Variants in TXLNB observed in about 807,000 individuals in gnomAD.
TXLNB encodes taxilin beta.
TXLNB carries 37 observed loss-of-function variants against 57.4 expected under a neutral mutation model. That is an observed-to-expected ratio of 0.64 (90% CI 0.50 to 0.85). The LOEUF (loss-of-function observed/expected upper bound fraction) is 0.85. Among genes scored for constraint, TXLNB ranks in the 40% least tolerant of loss-of-function variants. The pLI is 0.00. For synonymous variants in TXLNB, 302 were observed against 309.6 expected, an observed-to-expected ratio of 0.98 and a Z score of 0.26; for missense variants, 848 against 825.6, an observed-to-expected ratio of 1.03 and a Z score of -0.33.
chr6:139,217,864 CAAA>C, the TXLNB span, among the ~76,000 whole-genome samples: 42 of 51,932 alleles, frequency 8.1e-4, no homozygotes, highest in African/African-American at 2.3e-3. Context: ...GCAAGAGTCT[CAAA>C]AAAAAAAAAA....
At chr6:139,174,286 T>A in the TXLNB span, 3 of 1,353,448 alleles carry the variant, frequency 2.2e-6, no homozygotes, top group East Asian at 7.1e-5. Flanking sequence ...AATGATAAAA[T>A]CTTTGCTTAT....
In TXLNB at chr6:139,255,575, G is replaced by A. The variant is rs1279565737; in HGVS notation, c.1066C>T (p.Leu356=). The change falls in exon 7 of 10, where the codon CTG becomes TTG. Residue 356 remains leucine, a synonymous_variant. Transcript: ENST00000358430. ...AKVLKEQETV[L]QAQLTLYSGR... The stretch of plus-strand genomic sequence containing the variant: ...CCACCTGGCCTCACCTGAGCCTGCA[G>A]GACTGTCTCTTGCTCCTTCAGCACT... The A allele has an allele frequency of 1.2e-6, 2 of 1,613,746 alleles. No homozygotes were observed. The highest frequency in any genetic ancestry group is 1.1e-5 in the South Asian group (1 of 91,070).
chr6:139,312,990 C>A, the TXLNB span, among the ~76,000 whole-genome samples: 1 of 152,124 alleles, frequency 6.6e-6, no homozygotes, highest in Non-Finnish European at 1.5e-5. Flanking sequence ...CAAATTCTAG[C>A]CACCTCTTTC....
chr6:139,317,400 G>T, the TXLNB span, among the ~76,000 whole-genome samples: 6 of 144,748 alleles, frequency 4.1e-5, no homozygotes, highest in Non-Finnish European at 6.1e-5. Context: ...AAAGACAGAG[G>T]TTTTTTTTTT....
At chr6:139,294,946 G>A (rs986546826), upstream of TXLNB, among the ~76,000 whole-genome samples, 1 of 151,776 alleles carries the variant, frequency 6.6e-6, no homozygotes, top group Admixed American at 6.6e-5. Context: ...CCGAGATTGT[G>A]CCACTGCACT....
the TXLNB span, among the ~76,000 whole-genome samples, chr6:139,310,557 C>T: frequency 6.6e-6 from 1 of 152,134 alleles, no homozygotes; most frequent in African/African-American, 2.4e-5. Flanking sequence ...TGTCTAATTC[C>T]GAAGCCTTCA....
chr6:139,205,980 A>C, the TXLNB span, among the ~76,000 whole-genome samples: 1 of 152,246 alleles, frequency 6.6e-6, no homozygotes, highest in South Asian at 2.1e-4. Flanking sequence ...CAGATTCCTC[A>C]GCAGAAACCT....
At chr6:139,316,407 G>A in the TXLNB span, among the ~76,000 whole-genome samples, 3 of 152,130 alleles carry the variant, frequency 2.0e-5, no homozygotes, top group Admixed American at 6.5e-5. Context: ...CAAGAATCCT[G>A]TTAGGTTGGT....
the TXLNB span, among the ~76,000 whole-genome samples, chr6:139,320,941 AC>A: frequency 6.6e-6 from 1 of 152,208 alleles, no homozygotes; most frequent in South Asian, 2.1e-4. Context: ...CTCTAAGGCA[AC>A]TGTGAAGATG....
the TXLNB span, among the ~76,000 whole-genome samples, chr6:139,193,135 TTCC>T: frequency 6.6e-6 from 1 of 151,938 alleles, no homozygotes; most frequent in Non-Finnish European, 1.5e-5. Flanking sequence ...GTTGCAGGTT[TTCC>T]TCCTAACTTA....
the TXLNB span, among the ~76,000 whole-genome samples, chr6:139,297,545 T>C: frequency 2.1e-4 from 32 of 152,348 alleles, no homozygotes; most frequent in African/African-American, 7.5e-4. Context: ...CATTAAATAA[T>C]TAAGATTATG....
chr6:139,268,729 G>A (rs374313484), intron 4 of TXLNB, among the ~76,000 whole-genome samples: 82 of 152,230 alleles, frequency 5.4e-4, no homozygotes, highest in African/African-American at 1.9e-3. Context: ...AAAGCACTTA[G>A]CATAACTTCT....
the TXLNB span, among the ~76,000 whole-genome samples, chr6:139,205,783 C>A: frequency 6.6e-6 from 1 of 152,120 alleles, no homozygotes; most frequent in Non-Finnish European, 1.5e-5. Context: ...AGAAAAACTT[C>A]CCTGGCTTTG....
At chr6:139,203,299 C>T in the TXLNB span, among the ~76,000 whole-genome samples, 66 of 152,220 alleles carry the variant, frequency 4.3e-4, no homozygotes, top group South Asian at 4.1e-4. Context: ...ACTAGCCTTT[C>T]TCTCTCCTTT....
At chr6:139,214,795 C>T in the TXLNB span, among the ~76,000 whole-genome samples, 19 of 152,290 alleles carry the variant, frequency 1.2e-4, no homozygotes, top group Admixed American at 3.9e-4. Context: ...GATACAAAAT[C>T]AATGTGCAAA....
chr6:139,260,324 CT>C lies in TXLNB; in HGVS notation c.995del (p.Lys332ArgfsTer5). ...CGACTAAAATGATAAATACATATTC[CT>C]TTTCTCGTTTGTGTCGCTCCTCCGC... ...KEAEERHKRE[K>X]EYLLNQAAEW... On this transcript the variant is annotated frameshift_variant, in exon 6 of 10. Coordinates refer to ENST00000358430, the MANE Select transcript of TXLNB (RefSeq NM_153235.4). LOFTEE classifies it high-confidence loss of function. The C allele has an allele frequency of 6.2e-7, 1 of 1,613,978 alleles. No individual in the cohort carries two copies. Among genetic ancestry groups the C allele is most frequent in the South Asian group, 1.1e-5 (1 of 91,072 alleles).
rs1775934956 is a variant in TXLNB, at chr6:139,241,600, G to A, written c.*926C>T. On this transcript the variant is annotated 3_prime_UTR_variant, in exon 10 of 10. Transcript: ENST00000358430. ...GGAATGGGATGCCCTGGCACATGAG[G>A]GGGTGGCAAAGCAATGGGCTGAGAA... 3 of 152,334 alleles carry A rather than the reference G, an allele frequency of 2.0e-5. No homozygotes were observed. The South Asian group carries it at 6.2e-4, about 32-fold the overall frequency. 9.4% of individuals were successfully genotyped at this position (152,334 alleles called of 1,614,324 possible).
At chr6:139,276,334 T>G (rs748981035) in intron 3 of TXLNB, among the ~76,000 whole-genome samples, 2 of 152,220 alleles carry the variant, frequency 1.3e-5, no homozygotes, top group Non-Finnish European at 2.9e-5. Flanking sequence ...ATAAATTCAA[T>G]TGTTTGTTCC....
At chr6:139,188,445 A>G in the TXLNB span, among the ~76,000 whole-genome samples, 1 of 152,224 alleles carries the variant, frequency 6.6e-6, no homozygotes, top group Non-Finnish European at 1.5e-5. Flanking sequence ...TGGAAAAATG[A>G]TCCATTTGTT....
Sources: allele counts gnomAD v4.1 joint callset (sites outside exome capture counted in the v4.1 genomes callset), GRCh38; gene constraint gnomAD v4.1.1; transcripts MANE v1.5; gene names NCBI Gene and HGNC (gene_info 2026-07-23, HGNC 2026-07-21).